Variants in ACYP2 observed in about 807,000 individuals in gnomAD.
ACYP2 encodes acylphosphatase-2.
A neutral mutation model predicts 11.2 loss-of-function variants in ACYP2; 12 were observed. The ratio of observed to expected loss-of-function variants is 1.08; its 90% confidence interval spans 0.69 to 1.74. The LOEUF is 1.74. Ranked by LOEUF, ACYP2 falls within the 40% of genes most tolerant of loss-of-function variation. The probability of loss-of-function intolerance (pLI) is 0.00; values close to 1 mark genes in which losing one functional copy is unlikely to be tolerated. For missense variants in ACYP2, 134 were observed against 101.9 expected, an observed-to-expected ratio of 1.31 and a Z score of -1.35; for synonymous variants, 43 against 32.2, an observed-to-expected ratio of 1.33 and a Z score of -1.13.
chr2:54,147,260 A>G (rs1166352075), intron 6 of ACYP2, among the ~76,000 whole-genome samples: 1 of 150,098 alleles, frequency 6.7e-6, no homozygotes, highest in Admixed American at 6.7e-5. Flanking sequence ...ACAGCCAACA[A>G]TAAGCAGGAC....
At chr2:54,060,405 T>C (rs1408436343) in intron 4 of ACYP2, among the ~76,000 whole-genome samples, 1 of 152,152 alleles carries the variant, frequency 6.6e-6, no homozygotes, top group Non-Finnish European at 1.5e-5. Context: ...TTTTAAAAAA[T>C]AATCATCTTC....
At chr2:54,061,186 T>C (rs1676451657) in intron 4 of ACYP2, among the ~76,000 whole-genome samples, 1 of 152,208 alleles carries the variant, frequency 6.6e-6, no homozygotes, top group Non-Finnish European at 1.5e-5. Flanking sequence ...AAGTTCCTTA[T>C]TGGTTTTTTA....
Position 54,046,201 on chromosome 2 carries a change from C to T in ACYP2, c.63-4757C>T, listed in dbSNP as rs545539093. Reference sequence around the variant, plus strand: ...AAAAAAAAAAAAAAAAAGGTCCAGGCGCAGTGGCTTACACCTGTAATCCCA... The same window carrying T: ...AAAAAAAAAAAAAAAAAGGTCCAGGTGCAGTGGCTTACACCTGTAATCCCA... On this transcript the variant is annotated intron_variant, in intron 2 of 6. Transcript: ENST00000607452. Among the ~76,000 whole-genome samples the T allele has an allele frequency of 6.2e-4, 91 of 146,044 alleles. 1 individual carries two copies. The highest frequency in any genetic ancestry group is 2.3e-3 in the Admixed American group (34 of 14,600).
chr2:54,155,880 C>G (rs1348432270), intron 6 of ACYP2, among the ~76,000 whole-genome samples: 1 of 152,134 alleles, frequency 6.6e-6, no homozygotes. Context: ...CAAGATTTCT[C>G]CTGTTACTGA....
chr2:54,267,940 G>T (rs1048992539), intron 6 of ACYP2, among the ~76,000 whole-genome samples: 1 of 152,082 alleles, frequency 6.6e-6, no homozygotes, highest in Non-Finnish European at 1.5e-5. Flanking sequence ...CACATCTGTG[G>T]GTAGCTGTTG....
intron 2 of ACYP2, among the ~76,000 whole-genome samples, chr2:54,038,960 T>G (rs1222708746): frequency 6.6e-6 from 1 of 151,534 alleles, no homozygotes; most frequent in Non-Finnish European, 1.5e-5. Flanking sequence ...AAGGAGATAT[T>G]TGAGGGAAGG....
At chr2:54,086,529 A>G (rs906753565) in intron 4 of ACYP2, among the ~76,000 whole-genome samples, 1 of 152,228 alleles carries the variant, frequency 6.6e-6, no homozygotes, top group Non-Finnish European at 1.5e-5. Flanking sequence ...GGAGATTAAC[A>G]TATTTCTCTT....
At chr2:54,115,456 A>G (rs1572785981) in intron 4 of ACYP2, 159 bp from the exon 1 acceptor site, 1 of 978,760 alleles carries the variant, frequency 1.0e-6, no homozygotes. Flanking sequence ...CCGGGAAGAG[A>G]GGCCTAGGAT....
intron 4 of ACYP2, among the ~76,000 whole-genome samples, chr2:54,089,898 C>A (rs1347702020): frequency 1.3e-5 from 2 of 152,062 alleles, no homozygotes; most frequent in East Asian, 3.9e-4. Context: ...GTAATCCTAG[C>A]ACTTTGGGAG....
At chr2:54,088,175 G>T in intron 4 of ACYP2, among the ~76,000 whole-genome samples, 1 of 152,216 alleles carries the variant, frequency 6.6e-6, no homozygotes, top group Non-Finnish European at 1.5e-5. Context: ...GTGTTGCTAG[G>T]TTAGAATCAG....
chr2:53,983,256 A>C (rs973141779), intron 2 of ACYP2, among the ~76,000 whole-genome samples: 3 of 152,206 alleles, frequency 2.0e-5, no homozygotes, highest in Non-Finnish European at 4.4e-5. Flanking sequence ...CTGTAATCCC[A>C]GCACTTTGGT....
intron 6 of ACYP2, among the ~76,000 whole-genome samples, chr2:54,268,726 T>C (rs571286423): frequency 6.6e-6 from 1 of 152,080 alleles, no homozygotes; most frequent in South Asian, 2.1e-4. Flanking sequence ...GGGAGGATGC[T>C]TGAGCCCAGG....
chr2:54,201,608 C>CTTTCTTTCTTTCTT lies in ACYP2; in HGVS notation c.404+62862_404+62875dup, dbSNP rs1558608511. On this transcript the variant is annotated intron_variant, in intron 6 of 6. Transcript: ENST00000607452. ...TTTCTTTCTTTCTCTTTCTTTCTTT[C>CTTTCTTTCTTTCTT]TTTCTTTCTTTCTTTGTTTCTTTCT... 1.8e-4 allele frequency among the ~76,000 whole-genome samples: 14 copies of CTTTCTTTCTTTCTT among 79,890 alleles called. 1 individual carries two copies. Among genetic ancestry groups the CTTTCTTTCTTTCTT allele is most frequent in the East Asian group, 1.2e-3 (1 of 856 alleles). 52.4% of individuals were successfully genotyped at this position (79,890 alleles called of 152,430 possible).
intron 6 of ACYP2, among the ~76,000 whole-genome samples, chr2:54,145,698 C>T (rs1681850574): frequency 6.6e-6 from 1 of 152,108 alleles, no homozygotes; most frequent in African/African-American, 2.4e-5. Flanking sequence ...TGATATTAAA[C>T]TATCAATACT....
At chr2:53,976,049 A>G (rs1671467568) in intron 2 of ACYP2, among the ~76,000 whole-genome samples, 1 of 152,148 alleles carries the variant, frequency 6.6e-6, no homozygotes, top group Non-Finnish European at 1.5e-5. Flanking sequence ...TATGTCTTTG[A>G]TGTGCTTATT....
intron 2 of ACYP2, among the ~76,000 whole-genome samples, chr2:54,038,572 A>G (rs1204008396): frequency 6.6e-6 from 1 of 151,092 alleles, no homozygotes; most frequent in Non-Finnish European, 1.5e-5. Flanking sequence ...CCTGAAGTGC[A>G]GAGTGTTCAG....
intron 6 of ACYP2, among the ~76,000 whole-genome samples, chr2:54,250,477 T>TGGGGGGGGGGGGGG (rs149150140): frequency 1.2e-5 from 1 of 83,784 alleles, no homozygotes; most frequent in Non-Finnish European, 2.5e-5. Context: ...GTGGGTGGGG[T>TGGGGGGGGGGGGGG]GGGGGGGGCG....
intron 2 of ACYP2, among the ~76,000 whole-genome samples, chr2:54,018,744 A>G (rs1279085904): frequency 6.6e-6 from 1 of 152,062 alleles, no homozygotes; most frequent in Non-Finnish European, 1.5e-5. Context: ...CTATCTGGGT[A>G]CTTTTAATTT....
At chr2:54,004,699 C>G (rs770291789) in intron 2 of ACYP2, among the ~76,000 whole-genome samples, 2 of 151,718 alleles carry the variant, frequency 1.3e-5, no homozygotes, top group African/African-American at 2.4e-5. Flanking sequence ...TGTGAGCCAC[C>G]GCGCTCAGCC....
Sources: gnomAD v4.1 joint callset for allele counts (sites outside exome capture counted in the v4.1 genomes callset) on GRCh38, gnomAD v4.1.1 for gene constraint, MANE v1.5 for transcripts, NCBI Gene and HGNC (gene_info 2026-07-23, HGNC 2026-07-21) for gene names.